Variants in ERC2 observed in about 807,000 individuals in gnomAD.
ERC2 encodes ELKS/RAB6-interacting/CAST family member 2, also known as ERC protein 2.
Under a neutral mutation model 114.8 loss-of-function variants are expected in ERC2, and 42 were observed. The ratio of observed to expected loss-of-function variants is 0.37; its 90% CI spans 0.29 to 0.47. ERC2 has a LOEUF of 0.47. Ranked by LOEUF, ERC2 falls within the 20% of genes least tolerant of loss-of-function variation. The pLI is 0.99. For synonymous variants in ERC2, 454 were observed against 425.5 expected, an observed-to-expected ratio of 1.07 and a Z score of -0.82; for missense variants, 939 against 1,150.7, an observed-to-expected ratio of 0.82 and a Z score of 2.66.
intron 3 of ERC2, among the ~76,000 whole-genome samples, chr3:56,206,010 A>T (rs1015330823): frequency 2.0e-5 from 3 of 152,178 alleles, no homozygotes; most frequent in African/African-American, 7.2e-5. Context: ...TGTCCTTTCA[A>T]GTTAACCTGT....
At chr3:56,144,711 A>G (rs551751678) in intron 5 of ERC2, among the ~76,000 whole-genome samples, 2 of 152,372 alleles carry the variant, frequency 1.3e-5, no homozygotes, top group African/African-American at 4.8e-5. Context: ...TGATAAAACT[A>G]TTTCAGTCTA....
At chr3:55,650,846 T>G (rs1451876565) in intron 17 of ERC2, among the ~76,000 whole-genome samples, 1 of 150,892 alleles carries the variant, frequency 6.6e-6, no homozygotes, top group Admixed American at 6.6e-5. Flanking sequence ...AGGGTGTTTT[T>G]TTTTTCTTTT....
intron 14 of ERC2, among the ~76,000 whole-genome samples, chr3:55,784,436 G>GAGGTCATAGGACTA (rs2069315276): frequency 6.6e-6 from 1 of 152,186 alleles, no homozygotes; most frequent in African/African-American, 2.4e-5. Flanking sequence ...AGGGGACTGT[G>GAGGTCATAGGACTA]TAAAAAAGGC....
intron 15 of ERC2, among the ~76,000 whole-genome samples, chr3:55,707,748 C>T (rs1205894661): frequency 3.3e-5 from 5 of 152,198 alleles, no homozygotes; most frequent in African/African-American, 1.2e-4. Context: ...ATCAACCCTG[C>T]GATGCAGGCA....
chr3:56,377,848 T>C (rs1488674577), intron 2 of ERC2, among the ~76,000 whole-genome samples: 1 of 144,896 alleles, frequency 6.9e-6, no homozygotes, highest in African/African-American at 2.6e-5. Flanking sequence ...AGAAACCCTA[T>C]CTCCAAAAAA....
intron 17 of ERC2, among the ~76,000 whole-genome samples, chr3:55,576,117 C>G (rs1434045470): frequency 1.3e-5 from 2 of 152,010 alleles, no homozygotes; most frequent in African/African-American, 4.8e-5. Flanking sequence ...TTGAGACCAG[C>G]CTGGCCAAAT....
At chr3:55,793,551 G>T (rs1210636035) in intron 14 of ERC2, among the ~76,000 whole-genome samples, 1 of 152,128 alleles carries the variant, frequency 6.6e-6, no homozygotes, top group African/African-American at 2.4e-5. Flanking sequence ...TTAAAAAAGA[G>T]TTGTTATGAT....
rs186614909 is a variant in ERC2 at position 55,608,535 on chromosome 3, G to A, written c.*39+75259C>T. Among the ~76,000 whole-genome samples the A allele has an allele frequency of 4.4e-4, 67 of 152,228 alleles. No homozygotes were observed. In the East Asian group the frequency reaches 0.013, roughly 29 times the overall value. ...TCTTTACAAAGGTTCCTATGATGCC[G>A]CGATCAGCCCCGGCACTACCTCATG... On this transcript the variant is annotated intron_variant, in intron 17 of 17. Transcript: ENST00000288221.
intron 3 of ERC2, among the ~76,000 whole-genome samples, chr3:56,256,943 CT>C (rs2052558347): frequency 6.6e-6 from 1 of 152,174 alleles, no homozygotes; most frequent in South Asian, 2.1e-4. Flanking sequence ...ATTACCCAGT[CT>C]CAGGCATCTC....
At chr3:56,088,921 GATTT>G (rs2077643427) in intron 6 of ERC2, among the ~76,000 whole-genome samples, 1 of 152,146 alleles carries the variant, frequency 6.6e-6, no homozygotes, top group African/African-American at 2.4e-5. Flanking sequence ...CTAATTCAGT[GATTT>G]ATATACCGCA....
At chr3:56,028,932 T>C (rs1387881721) in intron 7 of ERC2, among the ~76,000 whole-genome samples, 1 of 152,040 alleles carries the variant, frequency 6.6e-6, no homozygotes, top group East Asian at 1.9e-4. Flanking sequence ...AGATGTTCGC[T>C]ATAGGTTTTT....
intron 12 of ERC2, among the ~76,000 whole-genome samples, chr3:55,980,272 T>C (rs1299230930): frequency 6.6e-6 from 1 of 150,584 alleles, no homozygotes; most frequent in Non-Finnish European, 1.5e-5. Flanking sequence ...ATCATCAAAA[T>C]CCTCCACAAA....
intron 13 of ERC2, among the ~76,000 whole-genome samples, chr3:55,932,843 G>A (rs1210316293): frequency 6.6e-6 from 1 of 151,938 alleles, no homozygotes; most frequent in Non-Finnish European, 1.5e-5. Context: ...TTTTAATAAG[G>A]AGCCATGAAA....
intron 1 of ERC2, among the ~76,000 whole-genome samples, chr3:56,444,610 C>T (rs932032897): frequency 6.6e-5 from 10 of 152,204 alleles, no homozygotes; most frequent in Non-Finnish European, 4.4e-5. Context: ...GAACTATAAG[C>T]TCAGAAGGGA....
intron 11 of ERC2, among the ~76,000 whole-genome samples, chr3:55,990,397 A>G (rs1485017657): frequency 1.3e-5 from 2 of 152,216 alleles, no homozygotes. Context: ...TTTATTGGAA[A>G]TTAACCTACT....
At chr3:55,994,233 C>G (rs2071309631) in intron 10 of ERC2, among the ~76,000 whole-genome samples, 2 of 152,040 alleles carry the variant, frequency 1.3e-5, no homozygotes, top group Non-Finnish European at 2.9e-5. Flanking sequence ...GCTGGAAGCC[C>G]TCAAAACAAA....
At chr3:55,984,594 A>ACCGCC (rs2070441377) in intron 12 of ERC2, among the ~76,000 whole-genome samples, 1 of 152,278 alleles carries the variant, frequency 6.6e-6, no homozygotes, top group African/African-American at 2.4e-5. Flanking sequence ...ACCCTTCCCT[A>ACCGCC]CCGCCCATTA....
At chr3:56,461,471 G>A (rs2107573264) in intron 1 of ERC2, among the ~76,000 whole-genome samples, 1 of 152,260 alleles carries the variant, frequency 6.6e-6, no homozygotes, top group South Asian at 2.1e-4. Flanking sequence ...AGTAGAAGAG[G>A]GCACTGGGTG....
intron 17 of ERC2, among the ~76,000 whole-genome samples, chr3:55,625,721 A>T (rs9311572): frequency 0.36 from 54,391 of 151,372 alleles, 10,524 homozygotes; most frequent in East Asian, 0.61. Context: ...ACTGCACTCC[A>T]GCCTGGGCGA....
Sources: gnomAD v4.1 joint callset for allele counts (sites outside exome capture counted in the v4.1 genomes callset) on GRCh38, gnomAD v4.1.1 for gene constraint, MANE v1.5 for transcripts, NCBI Gene and HGNC (gene_info 2026-07-23, HGNC 2026-07-21) for gene names.